RASAL2: variants seen among roughly 807,000 people sequenced by gnomAD.
RASAL2 encodes the protein ras GTPase-activating protein nGAP.
Under a neutral mutation model 128.9 loss-of-function variants are expected in RASAL2, and 58 were observed. The ratio of observed to expected loss-of-function variants is 0.45; its 90% CI spans 0.36 to 0.56. The LOEUF (loss-of-function observed/expected upper bound fraction) is 0.56, where lower values mean the gene tolerates loss of function less well. Among genes scored for constraint, RASAL2 ranks in the 20% least tolerant of loss-of-function variants. The pLI is 0.00. For synonymous variants in RASAL2, 561 were observed against 580.8 expected (o/e 0.97, Z 0.49); for missense variants, 1,360 against 1,601.6 (o/e 0.85, Z 2.57).
chr1:178,350,830 A>G (rs1670432515), intron 3 of RASAL2, among the ~76,000 whole-genome samples: 3 of 152,076 alleles, frequency 2.0e-5, no homozygotes, highest in African/African-American at 7.2e-5. Flanking sequence ...AGAGAATCTT[A>G]CTCTGGTTGG....
At chr1:178,350,216 TTCTCTC>T (rs948983938) in intron 3 of RASAL2, among the ~76,000 whole-genome samples, 1 of 152,100 alleles carries the variant, frequency 6.6e-6, no homozygotes, top group Non-Finnish European at 1.5e-5. Context: ...TCCCCCAGCC[TTCTCTC>T]TCTCTTTCTC....
At chr1:178,322,284 C>G (rs1296738464) in intron 3 of RASAL2, among the ~76,000 whole-genome samples, 1 of 152,112 alleles carries the variant, frequency 6.6e-6, no homozygotes, top group Admixed American at 6.6e-5. Flanking sequence ...AAATATTTCC[C>G]ACTTTTTAAA....
intron 13 of RASAL2, 72 bp downstream of exon 13, chr1:178,456,971 C>G: frequency 6.9e-7 from 1 of 1,454,792 alleles, no homozygotes; most frequent in East Asian, 2.3e-5. Flanking sequence ...TATATTCAAC[C>G]TATTTGTTGA....
rs1438871544 is a variant in RASAL2, at chr1:178,103,616, T to C, written c.202+8922T>C. On this transcript the variant is annotated intron_variant, in intron 1 of 17. Transcript: ENST00000367649. Reference sequence around the variant, plus strand: ...TTTACATTAAGTGTGATTGAACATCTTTTCATTTTTAAGAGTCATTTAAAT... The same window carrying C: ...TTTACATTAAGTGTGATTGAACATCCTTTCATTTTTAAGAGTCATTTAAAT... Among the ~76,000 whole-genome samples the C allele has an allele frequency of 2.6e-5, 4 of 152,258 alleles. No individual in the cohort carries two copies. The East Asian group carries it at 7.7e-4, about 29-fold the overall frequency.
At chr1:178,323,267 G>T (rs186333586) in intron 3 of RASAL2, among the ~76,000 whole-genome samples, 7 of 152,172 alleles carry the variant, frequency 4.6e-5, no homozygotes, top group African/African-American at 1.7e-4. Flanking sequence ...CACCATAGCA[G>T]GTTGTTTTGT....
At chr1:178,470,778 T>G in intron 17 of RASAL2, 3 of 1,309,984 alleles carry the variant, frequency 2.3e-6, no homozygotes, top group South Asian at 2.4e-5. Flanking sequence ...CCTGGCCCAG[T>G]GCACTGGCCT....
intron 13 of RASAL2, 88 bp downstream of exon 13, chr1:178,456,987 C>A (rs1231892940): frequency 8.0e-6 from 11 of 1,381,918 alleles, no homozygotes; most frequent in Middle Eastern, 5.0e-4. Context: ...GTTGAATTTA[C>A]AAGTTTAAAA....
At chr1:178,098,619 C>G (rs540221382) in intron 1 of RASAL2, among the ~76,000 whole-genome samples, 1 of 152,102 alleles carries the variant, frequency 6.6e-6, no homozygotes, top group East Asian at 1.9e-4. Context: ...TATGACAGGT[C>G]TGCAAGTATG....
In RASAL2 at chr1:178,094,470, T is replaced by C; in HGVS notation, c.-23T>C. 6.5e-7 allele frequency: 1 copy of C among 1,530,838 alleles called. No individual in the cohort carries two copies. Among genetic ancestry groups the C allele is most frequent in the Non-Finnish European group, 8.8e-7 (1 of 1,139,222 alleles). The allele number at this position is 1,530,838 out of a possible 1,614,324, so 94.8% of individuals were successfully genotyped here. A position where few individuals can be genotyped will look rare whatever the true frequency, so the allele number is the denominator to read the frequency against. ...AGCCCGCCCCGAAGCCGCCGCCTCG[T>C]CCCCCTCCCGCCTCGGGGCACCATG... is the stretch of plus-strand genomic sequence containing the variant. On this transcript the variant is annotated 5_prime_UTR_variant, in exon 1 of 18. Transcript: ENST00000367649.
intron 1 of RASAL2, among the ~76,000 whole-genome samples, chr1:178,257,580 G>T (rs1194050069): frequency 2.6e-5 from 4 of 152,180 alleles, no homozygotes; most frequent in African/African-American, 9.7e-5. Flanking sequence ...GCTCACGCCT[G>T]TAATCCCTGC....
In RASAL2 at chr1:178,168,980, G is replaced by A. The variant is rs189464248; in HGVS notation, c.202+74286G>A. On this transcript the variant is annotated intron_variant, in intron 1 of 17. Transcript: ENST00000367649. ...TTTTATGTAACATTGAAGATGTCCC[G>A]GACAATGAAAAAAGATCAATGAAGT... Among the ~76,000 whole-genome samples, 190 of 151,866 alleles carry A rather than the reference G, an allele frequency of 1.3e-3. 1 individual carries two copies. The highest frequency in any genetic ancestry group is 4.1e-3 in the African/African-American group (168 of 41,446).
At chr1:178,414,793 GC>G (rs1674645634) in intron 4 of RASAL2, among the ~76,000 whole-genome samples, 1 of 152,056 alleles carries the variant, frequency 6.6e-6, no homozygotes, top group Admixed American at 6.5e-5. Context: ...AATAGATATA[GC>G]CCTATTCATA....
chr1:178,216,569 A>G (rs1558120333), intron 1 of RASAL2, among the ~76,000 whole-genome samples: 2 of 152,210 alleles, frequency 1.3e-5, no homozygotes, highest in Non-Finnish European at 2.9e-5. Flanking sequence ...CCAGCCATCC[A>G]TTGACTCTTA....
intron 1 of RASAL2, among the ~76,000 whole-genome samples, chr1:178,142,644 C>T (rs1307589879): frequency 2.6e-5 from 4 of 152,220 alleles, no homozygotes; most frequent in East Asian, 3.9e-4. Context: ...TTCATTTTCT[C>T]GACTGTTCTT....
At chr1:178,412,638 A>G (rs1415325717) in intron 4 of RASAL2, among the ~76,000 whole-genome samples, 2 of 152,246 alleles carry the variant, frequency 1.3e-5, no homozygotes, top group Admixed American at 6.5e-5. Context: ...AGGACTTACT[A>G]AAGTTTAAAC....
At chr1:178,419,843 A>G (rs1030909917) in intron 4 of RASAL2, among the ~76,000 whole-genome samples, 1 of 152,236 alleles carries the variant, frequency 6.6e-6, no homozygotes, top group African/African-American at 2.4e-5. Flanking sequence ...GGAAGCTTTA[A>G]TGATTTCATA....
chr1:178,419,802 C>CTTTA (rs1323645190), intron 4 of RASAL2, among the ~76,000 whole-genome samples: 3 of 152,092 alleles, frequency 2.0e-5, no homozygotes, highest in Non-Finnish European at 2.9e-5. Flanking sequence ...CAGGCAGGGG[C>CTTTA]CATAGACTGT....
chr1:178,389,396 C>A, intron 3 of RASAL2: 4 of 484,176 alleles, frequency 8.3e-6, no homozygotes, highest in Non-Finnish European at 1.1e-5. Context: ...ATGAAAAAAT[C>A]TTAAAAATGT....
intron 4 of RASAL2, among the ~76,000 whole-genome samples, chr1:178,397,860 C>T (rs1673348692): frequency 6.6e-6 from 1 of 151,566 alleles, no homozygotes. Flanking sequence ...AAGCAGTCAT[C>T]CTGCTTTGGT....
Sources: allele counts gnomAD v4.1 joint callset (sites outside exome capture counted in the v4.1 genomes callset), GRCh38; gene constraint gnomAD v4.1.1; transcripts MANE v1.5; gene names NCBI Gene and HGNC (gene_info 2026-07-23, HGNC 2026-07-21).